The following NRXN2 variants were observed in gnomAD, a reference collection of about 807,000 sequenced individuals.
The protein encoded by NRXN2 is neurexin 2.
A neutral mutation model predicts 128.8 loss-of-function variants in NRXN2; 29 were observed. The ratio of observed to expected loss-of-function variants is 0.23; its 90% CI spans 0.17 to 0.31. The LOEUF is 0.31. NRXN2 is among the 10% of genes least tolerant of loss of function. NRXN2 has a pLI of 1.00. For synonymous variants in NRXN2, 1,098 were observed against 1,075.2 expected (o/e 1.02, Z -0.41); for missense variants, 1,881 against 2,452.6 (o/e 0.77, Z 4.92).
chr11:64,609,864 C>T (rs10897519), intron 22 of NRXN2, among the ~76,000 whole-genome samples: 34,440 of 151,778 alleles, frequency 0.23, 4,185 homozygotes, highest in East Asian at 0.48. Context: ...TCATAGATCA[C>T]GCCCAGAAGC....
rs918842823 is a variant in NRXN2 at position 64,620,601 on chromosome 11, G to A, written c.4174-229C>T. Among the ~76,000 whole-genome samples the A allele has an allele frequency of 2.6e-5, 4 of 151,694 alleles. No homozygotes were observed. The South Asian group carries it at 6.3e-4, about 24-fold the overall frequency. On this transcript the variant is annotated intron_variant, in intron 21 of 22. Transcript: ENST00000265459. ...AGCCCTGCAGGTTTTCATGGCTTCC[G>A]AAGGTCAGTGAAACAGCACACATGG...
rs940303150 is a variant in NRXN2, at chr11:64,713,677, C to T, written c.23G>A (p.Arg8Gln). The T allele has an allele frequency of 1.7e-6, 2 of 1,154,490 alleles. No homozygotes were observed. Among genetic ancestry groups the T allele is most frequent in the Non-Finnish European group, 1.1e-6 (1 of 940,958 alleles). The allele number at this position is 1,154,490 out of a possible 1,614,324, so 71.5% of individuals were successfully genotyped here. A position where few individuals can be genotyped will look rare whatever the true frequency, so the allele number is the denominator to read the frequency against. ...CAACAGCAGCGGCGGCGGTGTCGGC[C>T]GCCACCGGCTCCCGGACGCCATGCC... MASGSRWRPTPPPLLLLL... is the reference protein window; with the variant it reads MASGSRWQPTPPPLLLLL... Residue 8 changes from arginine (R) to glutamine (Q), a missense_variant, in exon 2 of 23, where the codon CGG becomes CAG. Physicochemically the swap from Arg to Gln is conservative, Grantham distance 43 (BLOSUM62 1). This residue lies in a region of NRXN2 where 997 missense variants were observed against 1,240.8 expected (regional missense o/e 0.80). Transcript: ENST00000265459.
chr11:64,686,577 G>A (rs542885146), intron 5 of NRXN2, among the ~76,000 whole-genome samples: 70 of 152,304 alleles, frequency 4.6e-4, no homozygotes, highest in African/African-American at 1.6e-3. Context: ...CAGGTGACAG[G>A]GATATGCACC....
At chr11:64,692,556 G>C (rs1370694731) in intron 4 of NRXN2, among the ~76,000 whole-genome samples, 1 of 152,228 alleles carries the variant, frequency 6.6e-6, no homozygotes, top group Non-Finnish European at 1.5e-5. Flanking sequence ...AACGGCAGGA[G>C]TTCAAACATC....
rs2050087243 is a variant in NRXN2 at position 64,667,755 on chromosome 11, CAGCAGCG to C, written c.1360-74_1360-68del. 2.0e-6 allele frequency: 3 copies of C among 1,510,378 alleles called. No individual in the cohort carries two copies. The highest frequency in any genetic ancestry group is 2.7e-6 in the Non-Finnish European group (3 of 1,097,508). The allele number at this position is 1,510,378 out of a possible 1,614,324, so 93.6% of individuals were successfully genotyped here. On this transcript the variant is annotated intron_variant, in intron 8 of 22. Coordinates refer to ENST00000265459, the MANE Select transcript of NRXN2 (RefSeq NM_015080.4). The surrounding 1 kb of genome is among the most constrained non-coding windows in gnomAD (Gnocchi z 5.6). ...AGCTTAGGGCCTGGCCACTCCCACC[CAGCAGCG>C]AGCACCAGGGGACCCAGCCACCCAC...
chr11:64,618,970 C>T (rs1268943665), intron 22 of NRXN2, among the ~76,000 whole-genome samples: 1 of 152,160 alleles, frequency 6.6e-6, no homozygotes, highest in African/African-American at 2.4e-5. Flanking sequence ...TGAGCCTCTG[C>T]CCCAAGGCTC....
chr11:64,611,041 T>C (rs1023596611), intron 22 of NRXN2, among the ~76,000 whole-genome samples: 3 of 152,230 alleles, frequency 2.0e-5, no homozygotes, highest in African/African-American at 7.2e-5. Context: ...CCTGGAGGCA[T>C]GGCTTTGTAC....
chr11:64,658,557 A>G (rs893207330), intron 11 of NRXN2, among the ~76,000 whole-genome samples: 10 of 152,060 alleles, frequency 6.6e-5, no homozygotes, highest in Admixed American at 4.6e-4. Context: ...TCCAGTCCCC[A>G]CCTCTCTCAG....
chr11:64,718,418 G>A (rs545508852), intron 1 of NRXN2, among the ~76,000 whole-genome samples: 50 of 152,264 alleles, frequency 3.3e-4, no homozygotes, highest in African/African-American at 1.1e-3. Flanking sequence ...TCCTCCAGGC[G>A]CCAGGGAGGA....
chr11:64,686,019 T>G, intron 5 of NRXN2, 72 bp from the exon 6 acceptor site: 4 of 1,549,854 alleles, frequency 2.6e-6, no homozygotes, highest in Non-Finnish European at 3.5e-6. Flanking sequence ...CCCTCTCCCC[T>G]CCAGCAACGC....
chr11:64,642,602 T>C, intron 17 of NRXN2: 1 of 1,610,412 alleles, frequency 6.2e-7, no homozygotes, highest in East Asian at 2.2e-5. Context: ...CCGTGCTTGC[T>C]GTGGAAGTGG....
intron 1 of NRXN2, among the ~76,000 whole-genome samples, chr11:64,715,353 C>T (rs1282849625): frequency 1.3e-5 from 2 of 152,126 alleles, no homozygotes; most frequent in Admixed American, 6.6e-5. Flanking sequence ...CAAGTCTGCT[C>T]GACTGCAGCA....
In NRXN2 at chr11:64,689,712, G is replaced by A. The variant is rs1462199459; in HGVS notation, c.850+693C>T. Reference sequence around the variant, plus strand: ...ACCAGGTTCACCTGGGGTGTTCAAGGAGACTTCCAGTGTGCATGGCCTGGC... The same window carrying A: ...ACCAGGTTCACCTGGGGTGTTCAAGAAGACTTCCAGTGTGCATGGCCTGGC... On this transcript the variant is annotated intron_variant, in intron 5 of 22. Transcript: ENST00000265459. Among the ~76,000 whole-genome samples the A allele has an allele frequency of 2.0e-5, 3 of 152,214 alleles. No homozygotes were observed. In the East Asian group the frequency reaches 5.8e-4, roughly 29 times the overall value.
chr11:64,713,936 A>C lies in NRXN2; in HGVS notation c.-237T>G, dbSNP rs1460729055. ...CGCGGGCTCCGACAGAAGAGCAGGG[A>C]GGGATGCCTGCGGGAGAACAGAGAG... On this transcript the variant is annotated 5_prime_UTR_variant, in exon 2 of 23. Coordinates refer to ENST00000265459, the MANE Select transcript of NRXN2 (RefSeq NM_015080.4). The C allele has an allele frequency of 6.2e-6, 1 of 160,332 alleles. No individual in the cohort carries two copies. The highest frequency in any genetic ancestry group is 1.4e-5 in the Non-Finnish European group (1 of 73,782). The allele number at this position is 160,332 out of a possible 1,614,324, so 9.9% of individuals were successfully genotyped here. A position where few individuals can be genotyped will look rare whatever the true frequency, so the allele number is the denominator to read the frequency against.
chr11:64,719,049 A>G (rs990257553), intron 1 of NRXN2, among the ~76,000 whole-genome samples: 4 of 152,220 alleles, frequency 2.6e-5, no homozygotes, highest in African/African-American at 9.7e-5. Context: ...TGTTGTCAAA[A>G]TTAGAATTAA....
chr11:64,639,947 G>A (rs11231845), intron 17 of NRXN2, among the ~76,000 whole-genome samples: 78,306 of 151,990 alleles, frequency 0.52, 23,624 homozygotes, highest in Non-Finnish European at 0.7. Flanking sequence ...CTCCCACCAT[G>A]GTTAATGGTT....
Position 64,648,824 on chromosome 11 carries a change from A to T in NRXN2, c.3193T>A (p.Cys1065Ser). The change falls in exon 16 of 23, where the codon TGC (cysteine) becomes AGC (serine). Residue 1065 changes from cysteine (C) to serine (S), a missense_variant. Cys to Ser is a moderately radical substitution (Grantham distance 112). Transcript: ENST00000265459. The surrounding 1 kb of genome is among the most constrained non-coding windows in gnomAD (Gnocchi z 4.1). ...LVASRDGFQG[C>S]LASVDLNGRL... The stretch of plus-strand genomic sequence containing the variant: ...CCGTTGAGGTCCACTGAGGCCAGGC[A>T]GCCCTGAAAGCCATCCCGGGAGGCC... The T allele has an allele frequency of 6.2e-7, 1 of 1,614,210 alleles. No individual in the cohort carries two copies. Among genetic ancestry groups the T allele is most frequent in the Non-Finnish European group, 8.5e-7 (1 of 1,180,018 alleles).
At chr11:64,681,243 A>C (rs1441968432) in intron 6 of NRXN2, among the ~76,000 whole-genome samples, 1 of 152,100 alleles carries the variant, frequency 6.6e-6, no homozygotes, top group East Asian at 1.9e-4. Context: ...CCAAAACCTT[A>C]CCAGCTGCCT....
At chr11:64,612,218 T>C (rs1565174434) in intron 22 of NRXN2, among the ~76,000 whole-genome samples, 1 of 151,974 alleles carries the variant, frequency 6.6e-6, no homozygotes, top group Non-Finnish European at 1.5e-5. Context: ...AGGACCGGGC[T>C]CCTCAAAGAC....
Sources: gnomAD v4.1 joint callset for allele counts (sites outside exome capture counted in the v4.1 genomes callset) on GRCh38, gnomAD v4.1.1 for gene constraint, gnomAD v4.1.1 regional missense constraint, Gnocchi (gnomAD v3.1) non-coding constraint, MANE v1.5 for transcripts, NCBI Gene and HGNC (gene_info 2026-07-23, HGNC 2026-07-21) for gene names.